Variants in DUSP16 observed in about 807,000 individuals in gnomAD.
DUSP16 encodes dual specificity phosphatase 16.
Under a neutral mutation model 58.3 loss-of-function variants are expected in DUSP16, and 21 were observed. The observed-to-expected ratio is 0.36, with a 90% CI of 0.26 to 0.52. The LOEUF (loss-of-function observed/expected upper bound fraction) is 0.52. Ranked by LOEUF, DUSP16 falls within the 20% of genes least tolerant of loss-of-function variation. The pLI is 0.94. For synonymous variants in DUSP16, 320 were observed against 323.8 expected, an observed-to-expected ratio of 0.99 and a Z score of 0.12; for missense variants, 726 against 819.0, an observed-to-expected ratio of 0.89 and a Z score of 1.39.
At chr12:12,561,859 C>A (rs529536577) in intron 1 of DUSP16, among the ~76,000 whole-genome samples, 29 of 150,880 alleles carry the variant, frequency 1.9e-4, no homozygotes, top group African/African-American at 7.0e-4. Flanking sequence ...GCCCCCTTCC[C>A]GCTCCGGCCA....
intron 1 of DUSP16, among the ~76,000 whole-genome samples, chr12:12,542,475 G>A (rs1442270945): frequency 1.3e-5 from 2 of 152,068 alleles, no homozygotes; most frequent in East Asian, 1.9e-4. Flanking sequence ...GGGGCTGGGA[G>A]GAGTGGGAAA....
rs1943413858 is a variant in DUSP16 at position 12,475,544 on chromosome 12, A to T, written c.*1289T>A. The T allele has an allele frequency of 6.6e-6, 1 of 152,208 alleles. No homozygotes were observed. The highest frequency in any genetic ancestry group is 2.1e-4 in the South Asian group (1 of 4,828). 9.4% of individuals were successfully genotyped at this position (152,208 alleles called of 1,614,324 possible). A position where few individuals can be genotyped will look rare whatever the true frequency, so the allele number is the denominator to read the frequency against. On this transcript the variant is annotated 3_prime_UTR_variant, in exon 7 of 7. Transcript: ENST00000298573. ...CTGATCAAAACTCAATGGTCTTCTCAGCTTTCTCAACCGTTTTATTCTGAA... is the reference window on the plus strand; with the variant it reads ...CTGATCAAAACTCAATGGTCTTCTCTGCTTTCTCAACCGTTTTATTCTGAA...
chr12:12,488,345 A>G (rs1173949248), intron 4 of DUSP16, among the ~76,000 whole-genome samples: 1 of 152,182 alleles, frequency 6.6e-6, no homozygotes, highest in Non-Finnish European at 1.5e-5. Flanking sequence ...TGTTCACACC[A>G]TTAATTAAGC....
chr12:12,476,172 A>C lies in DUSP16; in HGVS notation c.*661T>G, dbSNP rs1402984173. 6.5e-6 allele frequency: 1 copy of C among 152,684 alleles called. No homozygotes were observed. The highest frequency in any genetic ancestry group is 6.5e-5 in the Admixed American group (1 of 15,286). The allele number at this position is 152,684 out of a possible 1,614,324, so 9.5% of individuals were successfully genotyped here. A position where few individuals can be genotyped will look rare whatever the true frequency, so the allele number is the denominator to read the frequency against. ...GTGACTAGCTACCTACCTATTCACA[A>C]TGCCTAGAAAATGGGCTACCAGATA... On this transcript the variant is annotated 3_prime_UTR_variant, in exon 7 of 7. Transcript: ENST00000298573.
chr12:12,540,949 CTTTTTTT>C (rs1191975095), intron 1 of DUSP16, among the ~76,000 whole-genome samples: 9 of 43,806 alleles, frequency 2.1e-4, no homozygotes, highest in Non-Finnish European at 3.1e-4. Context: ...CTTTTCTTTT[CTTTTTTT>C]TTTTTTTTTT....
intron 1 of DUSP16, among the ~76,000 whole-genome samples, chr12:12,553,992 G>GT (rs912783966): frequency 3.6e-4 from 54 of 152,082 alleles, no homozygotes; most frequent in African/African-American, 1.1e-3. Flanking sequence ...GAAGTCAGGA[G>GT]TTTGAGACCA....
At chr12:12,546,088 T>C (rs1449080564) in intron 1 of DUSP16, among the ~76,000 whole-genome samples, 2 of 152,208 alleles carry the variant, frequency 1.3e-5, no homozygotes, top group Non-Finnish European at 2.9e-5. Flanking sequence ...ATATTTCCCA[T>C]GCAAAATAAA....
chr12:12,478,133 G>A, intron 6 of DUSP16, 118 bp from the exon 7 acceptor site: 1 of 965,708 alleles, frequency 1.0e-6, no homozygotes, highest in Non-Finnish European at 1.6e-6. Flanking sequence ...TTTGGAAGAT[G>A]ATTGGTTTAC....
At chr12:12,551,239 C>T (rs1944721458) in intron 1 of DUSP16, among the ~76,000 whole-genome samples, 1 of 151,952 alleles carries the variant, frequency 6.6e-6, no homozygotes, top group Non-Finnish European at 1.5e-5. Context: ...CCGTGGCTCA[C>T]ACCTGTAACC....
At chr12:12,518,911 A>C (rs544724080) in intron 3 of DUSP16, among the ~76,000 whole-genome samples, 2 of 152,346 alleles carry the variant, frequency 1.3e-5, no homozygotes, top group East Asian at 3.9e-4. Context: ...GGAGACATGG[A>C]AATCTTATCT....
intron 1 of DUSP16, among the ~76,000 whole-genome samples, chr12:12,551,868 A>AT (rs1388330333): frequency 2.0e-5 from 3 of 151,880 alleles, no homozygotes; most frequent in African/African-American, 7.3e-5. Context: ...AATTTTTGTT[A>AT]TTTTTAGTAG....
At chr12:12,560,471 A>G (rs1434124311) in intron 1 of DUSP16, among the ~76,000 whole-genome samples, 3 of 152,192 alleles carry the variant, frequency 2.0e-5, no homozygotes, top group East Asian at 1.9e-4. Flanking sequence ...TGTAAATGTT[A>G]GCCAAATTAA....
chr12:12,537,024 C>G (rs1294177537), intron 1 of DUSP16, among the ~76,000 whole-genome samples: 1 of 152,068 alleles, frequency 6.6e-6, no homozygotes, highest in Admixed American at 6.6e-5. Context: ...GCCTGGGCAA[C>G]AAGAGCAAAA....
At chr12:12,517,426 A>T (rs528280547) in intron 3 of DUSP16, among the ~76,000 whole-genome samples, 1 of 152,120 alleles carries the variant, frequency 6.6e-6, no homozygotes, top group Non-Finnish European at 1.5e-5. Flanking sequence ...TCCCCAACCA[A>T]AATATTTAAG....
intron 1 of DUSP16, among the ~76,000 whole-genome samples, chr12:12,546,974 C>G (rs1047048893): frequency 6.6e-6 from 1 of 152,132 alleles, no homozygotes; most frequent in African/African-American, 2.4e-5. Context: ...TATTTCTTAC[C>G]TTTAATTAAC....
Position 12,477,805 on chromosome 12 carries a change from G to T in DUSP16, c.1026C>A (p.Ala342=). ...CTGCTGCCTCTGAGGTAGCAGAGTC[G>T]GCACAGGGTGGACTGAGGGGCGTCT... The part of the protein sequence containing the change: ...KSETPLSPPC[A]DSATSEAAGQ... The change falls in exon 7 of 7, where the codon GCC becomes GCA. Residue 342 remains alanine (A), a synonymous_variant. Transcript: ENST00000298573. The surrounding 1 kb of genome is among the most constrained non-coding windows in gnomAD (Gnocchi z 4.1). 1 of 1,613,946 alleles carries T rather than the reference G, an allele frequency of 6.2e-7. No individual in the cohort carries two copies. The highest frequency in any genetic ancestry group is 2.2e-5 in the East Asian group (1 of 44,874).
At chr12:12,561,268 G>C (rs1438664362) in intron 1 of DUSP16, 1 of 152,164 alleles carries the variant, frequency 6.6e-6, no homozygotes, top group East Asian at 1.9e-4. Flanking sequence ...TCTCCAATCT[G>C]AGACACCCAC....
chr12:12,520,082 G>A, intron 2 of DUSP16, 82 bp from the exon 3 acceptor site: 1 of 1,369,090 alleles, frequency 7.3e-7, no homozygotes, highest in Non-Finnish European at 1.0e-6. Flanking sequence ...ACATTTACCA[G>A]TGCTGGGGCG....
intron 1 of DUSP16, among the ~76,000 whole-genome samples, chr12:12,537,626 T>C (rs117718779): frequency 3.9e-5 from 6 of 152,346 alleles, no homozygotes; most frequent in Admixed American, 6.5e-5. Flanking sequence ...ATCTAAAACA[T>C]AGTCCACGGC....
Sources: gnomAD v4.1 joint callset for allele counts (sites outside exome capture counted in the v4.1 genomes callset) on GRCh38, gnomAD v4.1.1 for gene constraint, Gnocchi (gnomAD v3.1) non-coding constraint, MANE v1.5 for transcripts, NCBI Gene and HGNC (gene_info 2026-07-23, HGNC 2026-07-21) for gene names.